Variants in ACYP2 observed in about 807,000 individuals in gnomAD.
The protein encoded by ACYP2 is acylphosphatase-2.
A neutral mutation model predicts 11.2 loss-of-function variants in ACYP2; 12 were observed. The ratio of observed to expected loss-of-function variants is 1.08; its 90% confidence interval spans 0.69 to 1.74. The LOEUF (loss-of-function observed/expected upper bound fraction) is 1.74, where lower values mean the gene tolerates loss of function less well. ACYP2 is among the 40% of genes most tolerant of loss of function. The probability of loss-of-function intolerance (pLI) is 0.00; values close to 1 mark genes in which losing one functional copy is unlikely to be tolerated. For missense variants in ACYP2, 134 were observed against 101.9 expected (o/e 1.31, Z -1.35); for synonymous variants, 43 against 32.2 (o/e 1.33, Z -1.13).
At chr2:54,292,199 T>A (rs77220729) in intron 6 of ACYP2, among the ~76,000 whole-genome samples, 2 of 147,638 alleles carry the variant, frequency 1.4e-5, no homozygotes, top group Non-Finnish European at 1.5e-5. Context: ...AAAACAAATC[T>A]TTTTTTTTTG....
In ACYP2 at chr2:54,057,069, G is replaced by A. The variant is rs1676192117; in HGVS notation, c.156-170G>A. ...AATTCAGATAAAATAGCTTTCTAGTGTGTTTTCCCTTTCAATATTTGGGTT... is the reference window on the plus strand; with the variant it reads ...AATTCAGATAAAATAGCTTTCTAGTATGTTTTCCCTTTCAATATTTGGGTT... On this transcript the variant is annotated intron_variant, in intron 3 of 6. Coordinates refer to ENST00000607452, the MANE Select transcript of ACYP2 (RefSeq NM_001320586.2). 2.0e-5 allele frequency among the ~76,000 whole-genome samples: 3 copies of A among 152,264 alleles called. No homozygotes were observed. In the South Asian group the frequency reaches 6.2e-4, roughly 32 times the overall value.
At chr2:54,038,660 T>A (rs1225660016) in intron 2 of ACYP2, among the ~76,000 whole-genome samples, 5 of 129,264 alleles carry the variant, frequency 3.9e-5, no homozygotes, top group African/African-American at 1.5e-4. Context: ...ATTCAATAAA[T>A]CTTTATTGAA....
intron 4 of ACYP2, among the ~76,000 whole-genome samples, chr2:54,077,324 A>C (rs1221283574): frequency 6.6e-6 from 1 of 152,242 alleles, no homozygotes; most frequent in Admixed American, 6.5e-5. Flanking sequence ...TCCTTGGTGC[A>C]TCTATCCATT....
chr2:54,259,625 G>A (rs1445602732), intron 6 of ACYP2, among the ~76,000 whole-genome samples: 1 of 152,172 alleles, frequency 6.6e-6, no homozygotes, highest in Admixed American at 6.5e-5. Flanking sequence ...AGTCACTGGT[G>A]ACTCAAAAAG....
chr2:54,201,598 TTC>T (rs1390529070), intron 6 of ACYP2, among the ~76,000 whole-genome samples: 2 of 79,772 alleles, frequency 2.5e-5, no homozygotes, highest in African/African-American at 1.0e-4. Flanking sequence ...TTCTTTCTCT[TTC>T]TTTCTTTCTT....
intron 4 of ACYP2, among the ~76,000 whole-genome samples, chr2:54,090,776 C>T (rs1678184581): frequency 6.6e-6 from 1 of 152,168 alleles, no homozygotes; most frequent in African/African-American, 2.4e-5. Flanking sequence ...TTATCAAATC[C>T]CTCAACTCTG....
chr2:54,046,039 A>G (rs1220368142), intron 2 of ACYP2, among the ~76,000 whole-genome samples: 1 of 151,834 alleles, frequency 6.6e-6, no homozygotes, highest in Non-Finnish European at 1.5e-5. Flanking sequence ...GCGTGGTGGC[A>G]CATGCCTATA....
chr2:54,005,526 G>C (rs892984636), intron 2 of ACYP2, among the ~76,000 whole-genome samples: 3 of 152,038 alleles, frequency 2.0e-5, no homozygotes, highest in African/African-American at 7.2e-5. Flanking sequence ...TTTTAGTAGA[G>C]ACGGGTTTTG....
chr2:54,112,244 G>A (rs1046628000), intron 4 of ACYP2, among the ~76,000 whole-genome samples: 3 of 152,186 alleles, frequency 2.0e-5, no homozygotes, highest in Non-Finnish European at 2.9e-5. Context: ...GAATTAACAG[G>A]TTTTAATTTC....
intron 4 of ACYP2, among the ~76,000 whole-genome samples, chr2:54,092,879 T>G (rs1191797422): frequency 6.6e-6 from 1 of 152,222 alleles, no homozygotes; most frequent in Non-Finnish European, 1.5e-5. Flanking sequence ...CAACCTACCT[T>G]GAGTTCTTTT....
At chr2:54,244,871 T>G (rs1032725299) in intron 6 of ACYP2, among the ~76,000 whole-genome samples, 6 of 152,352 alleles carry the variant, frequency 3.9e-5, no homozygotes, top group African/African-American at 1.2e-4. Flanking sequence ...CTCAAACATT[T>G]ATAATTTCTT....
At chr2:53,994,807 A>C (rs1187302879) in intron 2 of ACYP2, among the ~76,000 whole-genome samples, 1 of 152,212 alleles carries the variant, frequency 6.6e-6, no homozygotes, top group East Asian at 1.9e-4. Flanking sequence ...CCAATCTTCC[A>C]CAGCCTAATA....
intron 6 of ACYP2, among the ~76,000 whole-genome samples, chr2:54,278,953 C>T (rs902933198): frequency 3.3e-5 from 5 of 152,160 alleles, no homozygotes; most frequent in African/African-American, 1.2e-4. Context: ...TGGCTCCATG[C>T]AGGGCCATGA....
chr2:54,122,172 C>G (rs1416282106), intron 4 of ACYP2, among the ~76,000 whole-genome samples: 1 of 152,056 alleles, frequency 6.6e-6, no homozygotes, highest in Non-Finnish European at 1.5e-5. Flanking sequence ...CAGTCAGATC[C>G]CAGGATGAAA....
chr2:54,046,238 G>A (rs1178994539), intron 2 of ACYP2, among the ~76,000 whole-genome samples: 1 of 151,782 alleles, frequency 6.6e-6, no homozygotes, highest in Non-Finnish European at 1.5e-5. Flanking sequence ...CAATTTGGGG[G>A]GAGGCTGAGG....
chr2:54,234,788 G>A (rs1686398500), intron 6 of ACYP2, among the ~76,000 whole-genome samples: 1 of 152,130 alleles, frequency 6.6e-6, no homozygotes, highest in Non-Finnish European at 1.5e-5. Flanking sequence ...GTACACTACT[G>A]ATTTCTTTGG....
intron 6 of ACYP2, among the ~76,000 whole-genome samples, chr2:54,171,341 T>C (rs760742237): frequency 2.6e-4 from 40 of 152,256 alleles, no homozygotes; most frequent in Non-Finnish European, 4.7e-4. Flanking sequence ...GAATGGAATA[T>C]GGGAATGTTA....
rs1491235587 is a variant in ACYP2, at chr2:54,219,854, TAG to T, written c.404+81108_404+81109del. Among the ~76,000 whole-genome samples, 6 of 64,274 alleles carry T rather than the reference TAG, an allele frequency of 9.3e-5. No individual in the cohort carries two copies. In the South Asian group the frequency reaches 4.1e-3, roughly 43 times the overall value. 42.2% of individuals were successfully genotyped at this position (64,274 alleles called of 152,430 possible). On this transcript the variant is annotated intron_variant, in intron 6 of 6. Coordinates refer to ENST00000607452, the MANE Select transcript of ACYP2 (RefSeq NM_001320586.2). ...ATATATATGTGTATGTGTGTGTATA[TAG>T]ATGTGTGTGTGTGTGTGTGTGTGTG...
At chr2:53,988,961 C>G (rs1032203410) in intron 2 of ACYP2, among the ~76,000 whole-genome samples, 4 of 152,086 alleles carry the variant, frequency 2.6e-5, no homozygotes, top group Admixed American at 1.3e-4. Context: ...GTTGGCCAGG[C>G]TGGTCTTCAA....
Sources: gnomAD v4.1 joint callset for allele counts (sites outside exome capture counted in the v4.1 genomes callset) on GRCh38, gnomAD v4.1.1 for gene constraint, MANE v1.5 for transcripts, NCBI Gene and HGNC (gene_info 2026-07-23, HGNC 2026-07-21) for gene names.